The following ZCCHC14 variants were observed in gnomAD, a reference collection of about 807,000 sequenced individuals.
ZCCHC14 encodes zinc finger CCHC domain-containing protein 14.
A neutral mutation model predicts 85.0 loss-of-function variants in ZCCHC14; 16 were observed. The ratio of observed to expected loss-of-function variants is 0.19; its 90% confidence interval spans 0.13 to 0.29. The LOEUF (loss-of-function observed/expected upper bound fraction) is 0.29. Among genes scored for constraint, ZCCHC14 ranks in the 10% least tolerant of loss-of-function variants. ZCCHC14 has a pLI of 1.00. For synonymous variants in ZCCHC14, 775 were observed against 630.7 expected (o/e 1.23, Z -3.43); for missense variants, 1,303 against 1,443.5 (o/e 0.90, Z 1.58).
At chr16:87,436,467 C>T (rs1310884107) in intron 2 of ZCCHC14, among the ~76,000 whole-genome samples, 1 of 152,212 alleles carries the variant, frequency 6.6e-6, no homozygotes, top group Non-Finnish European at 1.5e-5. Context: ...AGTGAGGGGC[C>T]GGGCTAGTGC....
In ZCCHC14 at chr16:87,478,010, C is replaced by T. The variant is rs1006658771; in HGVS notation, c.570+13659G>A. ...GCATGCACCTAGAACCACTGATACG[C>T]CCCCACGCATCGCTCCTCCCTGTAG... On this transcript the variant is annotated intron_variant, in intron 1 of 12. Coordinates refer to ENST00000671377, the MANE Select transcript of ZCCHC14 (RefSeq NM_015144.3). Among the ~76,000 whole-genome samples the T allele has an allele frequency of 2.6e-4, 40 of 152,214 alleles. 1 individual carries two copies. The highest frequency in any genetic ancestry group is 7.9e-4 in the Admixed American group (12 of 15,286).
At chr16:87,411,079 G>C (rs1344289216) in intron 12 of ZCCHC14, among the ~76,000 whole-genome samples, 1 of 152,260 alleles carries the variant, frequency 6.6e-6, no homozygotes, top group African/African-American at 2.4e-5. Context: ...ATGGCTGAGG[G>C]GTGACAGCCC....
At chr16:87,473,986 C>G (rs1285573768) in intron 1 of ZCCHC14, 2 of 152,178 alleles carry the variant, frequency 1.3e-5, no homozygotes, top group Admixed American at 6.5e-5. Context: ...GCCAGGGTCC[C>G]CATCTCTTAC....
rs117724101 is a variant in ZCCHC14, at chr16:87,408,689, G to T, written c.*1591C>A. 1.6e-3 allele frequency: 240 copies of T among 152,532 alleles called. 2 individuals are homozygous for T. Among genetic ancestry groups the T allele is most frequent in the East Asian group, 0.014 (71 of 5,186 alleles). 9.4% of individuals were successfully genotyped at this position (152,532 alleles called of 1,614,324 possible). A position where few individuals can be genotyped will look rare whatever the true frequency, so the allele number is the denominator to read the frequency against. ...ACTAAAAGCCTGTCATAAAAAAAAT[G>T]TAACAACTTTCTGCTTTAGTTTCTA... is the stretch of plus-strand genomic sequence containing the variant. On this transcript the variant is annotated 3_prime_UTR_variant, in exon 13 of 13. Transcript: ENST00000671377.
Position 87,412,098 on chromosome 16 carries a change from C to G in ZCCHC14, c.2623G>C (p.Val875Leu), listed in dbSNP as rs775814074. 6.2e-7 allele frequency: 1 copy of G among 1,613,052 alleles called. No homozygotes were observed. The highest frequency in any genetic ancestry group is 8.5e-7 in the Non-Finnish European group (1 of 1,180,048). The change falls in exon 12 of 13, where the codon GTC becomes CTC. Residue 875 changes from valine (V) to leucine (L), a missense_variant. Val to Leu is a conservative substitution (Grantham distance 32). This residue lies in a region of ZCCHC14 where 797 missense variants were observed against 730.8 expected (regional missense o/e 1.09). Coordinates refer to ENST00000671377, the MANE Select transcript of ZCCHC14 (RefSeq NM_015144.3). ...CTGCTATAGAAACTGCTTTCAGGGACGGAGGACAGCGCCGGGCTGGAGCTG... is the reference window on the plus strand; with the variant it reads ...CTGCTATAGAAACTGCTTTCAGGGAGGGAGGACAGCGCCGGGCTGGAGCTG... Reference protein sequence around the residue: ...APSSSPALSSVPESSFYSSSG... With the variant: ...APSSSPALSSLPESSFYSSSG...
intron 4 of ZCCHC14, among the ~76,000 whole-genome samples, chr16:87,422,561 A>G (rs1451808626): frequency 1.4e-5 from 2 of 144,660 alleles, no homozygotes; most frequent in East Asian, 1.9e-4. Context: ...TGTCTCTACT[A>G]AAAATTAAAA....
At chr16:87,477,436 C>A (rs1912072432) in intron 1 of ZCCHC14, among the ~76,000 whole-genome samples, 1 of 152,186 alleles carries the variant, frequency 6.6e-6, no homozygotes, top group Non-Finnish European at 1.5e-5. Context: ...CTGGCAGAAG[C>A]CGGGGATGAG....
rs573479363 is a variant in ZCCHC14 at position 87,467,271 on chromosome 16, A to G, written c.571-7140T>C. ...CCGGACACTAAACCCAAAATTAAGG[A>G]TAATGGAGATCTGGTTTTTATCAAG... On this transcript the variant is annotated intron_variant, in intron 1 of 12. Transcript: ENST00000671377. 9.5e-6 allele frequency: 15 copies of G among 1,577,920 alleles called. No individual in the cohort carries two copies. In the East Asian group the frequency reaches 3.4e-4, roughly 35 times the overall value.
chr16:87,465,297 T>C (rs1453618696), intron 1 of ZCCHC14, among the ~76,000 whole-genome samples: 1 of 152,254 alleles, frequency 6.6e-6, no homozygotes, highest in East Asian at 1.9e-4. Flanking sequence ...TTAATAAGGA[T>C]CTGTAAAATA....
chr16:87,457,158 C>T (rs933105983), intron 2 of ZCCHC14, among the ~76,000 whole-genome samples: 5 of 152,054 alleles, frequency 3.3e-5, no homozygotes, highest in South Asian at 2.1e-4. Flanking sequence ...GCACTGGGTA[C>T]GGGGTTTACT....
intron 1 of ZCCHC14, chr16:87,471,219 A>G (rs965714768): frequency 6.6e-6 from 1 of 152,248 alleles, no homozygotes; most frequent in African/African-American, 2.4e-5. Context: ...AGTTAACGTA[A>G]AAAACATAAA....
At chr16:87,423,307 G>A (rs1429354897) in intron 4 of ZCCHC14, among the ~76,000 whole-genome samples, 1 of 152,178 alleles carries the variant, frequency 6.6e-6, no homozygotes, top group Non-Finnish European at 1.5e-5. Flanking sequence ...TTGAGCACCA[G>A]GAGGTCAAGG....
At chr16:87,472,510 C>T (rs1322865031) in intron 1 of ZCCHC14, 2 of 152,410 alleles carry the variant, frequency 1.3e-5, no homozygotes, top group Admixed American at 6.5e-5. Context: ...ACCGCTGTGG[C>T]GCGGGCCGGG....
intron 1 of ZCCHC14, among the ~76,000 whole-genome samples, chr16:87,460,442 C>T (rs769526546): frequency 6.6e-6 from 1 of 152,192 alleles, no homozygotes; most frequent in African/African-American, 2.4e-5. Context: ...GTTATCCCAG[C>T]ACTTTAGGAG....
At chr16:87,436,860 C>A (rs138132143) in intron 2 of ZCCHC14, among the ~76,000 whole-genome samples, 121 of 152,288 alleles carry the variant, frequency 7.9e-4, no homozygotes, top group African/African-American at 2.6e-3. Context: ...CAGCTGTGTA[C>A]GGTGGCGAAG....
intron 2 of ZCCHC14, among the ~76,000 whole-genome samples, chr16:87,437,434 G>A (rs909410261): frequency 6.6e-6 from 1 of 151,420 alleles, no homozygotes; most frequent in Non-Finnish European, 1.5e-5. Context: ...CAGGATCCGC[G>A]CTGGCCAGAA....
Position 87,419,858 on chromosome 16 carries a change from A to T in ZCCHC14, c.970T>A (p.Ser324Thr). The change falls in exon 6 of 13, where the codon TCT (serine) becomes ACT (threonine). Residue 324 changes from serine (S) to threonine (T), a missense_variant. Ser to Thr is a moderately conservative substitution (Grantham distance 58). Transcript: ENST00000671377. ...SGLRYLASLPSHVLKNDHVRR... is the reference protein window; with the variant it reads ...SGLRYLASLPTHVLKNDHVRR... ...ACATGGTCATTTTTCAACACGTGAG[A>T]AGGTAATGAGGCCAGGTACCTAAAA... is the stretch of plus-strand genomic sequence containing the variant. The T allele has an allele frequency of 6.2e-7, 1 of 1,612,394 alleles. No individual in the cohort carries two copies. Among genetic ancestry groups the T allele is most frequent in the Non-Finnish European group, 8.5e-7 (1 of 1,179,340 alleles).
chr16:87,412,773 C>A lies in ZCCHC14; in HGVS notation c.1948G>T (p.Val650Leu), dbSNP rs768972294. 1.2e-6 allele frequency: 2 copies of A among 1,613,872 alleles called. No homozygotes were observed. Among genetic ancestry groups the A allele is most frequent in the Middle Eastern group, 3.3e-4 (2 of 6,062 alleles). The change falls in exon 12 of 13, where the codon GTG becomes TTG. Residue 650 changes from valine (V) to leucine (L), a missense_variant. Transcript: ENST00000671377. The stretch of plus-strand genomic sequence containing the variant: ...GCGCTCCCTCTTTCCGGCTTGTGCA[C>A]GGAATTCAGCATGCGGATGGGTGTG... ...HITPIRMLNS[V>L]HKPERGSADM...
At chr16:87,467,249 G>A (rs1911567299) in intron 1 of ZCCHC14, 2 of 1,571,144 alleles carry the variant, frequency 1.3e-6, no homozygotes, top group Non-Finnish European at 1.7e-6. Context: ...CGTTTTACCG[G>A]ACACTAAACC....
Sources: gnomAD v4.1 joint callset for allele counts (sites outside exome capture counted in the v4.1 genomes callset) on GRCh38, gnomAD v4.1.1 for gene constraint, gnomAD v4.1.1 regional missense constraint, MANE v1.5 for transcripts, NCBI Gene and HGNC (gene_info 2026-07-23, HGNC 2026-07-21) for gene names.